The following OLFM4 variants were observed in gnomAD, a reference collection of about 807,000 sequenced individuals.
The protein encoded by OLFM4 is olfactomedin-4.
Under a neutral mutation model 25.5 loss-of-function variants are expected in OLFM4, and 22 were observed. The observed-to-expected ratio is 0.86, with a 90% confidence interval of 0.62 to 1.23. OLFM4 has a LOEUF of 1.23. OLFM4 is among the 50% of genes most tolerant of loss of function. OLFM4 has a pLI of 0.00. For synonymous variants in OLFM4, 255 were observed against 237.7 expected (o/e 1.07, Z -0.67); for missense variants, 594 against 619.4 (o/e 0.96, Z 0.44).
At chr13:53,036,333 T>C (rs1035846553) in intron 2 of OLFM4, among the ~76,000 whole-genome samples, 6 of 152,192 alleles carry the variant, frequency 3.9e-5, no homozygotes, top group Admixed American at 1.3e-4. Context: ...ACATAACAAG[T>C]AGAGGAAAAT....
chr13:53,035,973 A>G (rs1954656167), intron 2 of OLFM4, among the ~76,000 whole-genome samples: 1 of 152,126 alleles, frequency 6.6e-6, no homozygotes, highest in African/African-American at 2.4e-5. Flanking sequence ...ATTTAATACA[A>G]CTCCATTAAT....
At chr13:53,034,554 T>C (rs770466887) in intron 2 of OLFM4, 54 bp downstream of exon 2, 14 of 1,477,034 alleles carry the variant, frequency 9.5e-6, no homozygotes, top group Non-Finnish European at 1.3e-5. Context: ...AAACAAAATG[T>C]GTTTTAATTT....
At chr13:53,029,132 G>T in intron 1 of OLFM4, 92 bp downstream of exon 1, 4 of 1,546,330 alleles carry the variant, frequency 2.6e-6, no homozygotes, top group Non-Finnish European at 3.5e-6. Flanking sequence ...GGCTAGACCT[G>T]GGCACTCTAA....
Position 53,028,965 on chromosome 13 carries a change from C to G in OLFM4, c.129C>G (p.Ser43Arg), listed in dbSNP as rs1428958565. The change falls in exon 1 of 5, where the codon AGC becomes AGG. Residue 43 changes from serine to arginine, a missense_variant. By Grantham distance (110) the Ser-to-Arg change is moderately radical (BLOSUM62 -1). Coordinates refer to ENST00000219022, the MANE Select transcript of OLFM4 (RefSeq NM_006418.5). ...GFSSFPGVDS[S>R]SSFSSSSRSG... Reference sequence around the variant, plus strand: ...GCTCTTTCCCAGGTGTTGACTCCAGCTCCAGCTTCAGCTCCAGCTCCAGGT... The same window carrying G: ...GCTCTTTCCCAGGTGTTGACTCCAGGTCCAGCTTCAGCTCCAGCTCCAGGT... 4 of 1,613,802 alleles carry G rather than the reference C, an allele frequency of 2.5e-6. No homozygotes were observed. In the African/African-American group the frequency reaches 5.3e-5, roughly 22 times the overall value.
chr13:53,050,051 T>C lies in OLFM4; in HGVS notation c.813T>C (p.Tyr271=). 3 of 1,614,070 alleles carry C rather than the reference T, an allele frequency of 1.9e-6. No individual in the cohort carries two copies. Among genetic ancestry groups the C allele is most frequent in the South Asian group, 1.1e-5 (1 of 91,078 alleles). ...ACTGGAGAGGGTTTTCTTATCTATA[T>C]GGTGCTTGGGGTAGGGATTACTCTC... ...QLNWRGFSYL[Y]GAWGRDYSPQ... is the part of the protein sequence containing the mutation. The change falls in exon 5 of 5, where the codon TAT becomes TAC. Residue 271 remains tyrosine (Y), a synonymous_variant. Transcript: ENST00000219022.
intron 2 of OLFM4, among the ~76,000 whole-genome samples, chr13:53,034,718 C>T (rs1376795632): frequency 6.6e-6 from 1 of 152,184 alleles, no homozygotes; most frequent in Non-Finnish European, 1.5e-5. Context: ...ATTGTTCACG[C>T]CGTGGATAAA....
intron 4 of OLFM4, among the ~76,000 whole-genome samples, chr13:53,048,946 C>T (rs1449443845): frequency 6.6e-6 from 1 of 152,092 alleles, no homozygotes; most frequent in Non-Finnish European, 1.5e-5. Flanking sequence ...ACTGGAGGAA[C>T]TTTATTTTAT....
intron 2 of OLFM4, among the ~76,000 whole-genome samples, chr13:53,038,408 G>A (rs565735806): frequency 2.6e-5 from 4 of 152,248 alleles, no homozygotes; most frequent in South Asian, 4.1e-4. Context: ...AACCTAGAGG[G>A]TGTAGCCAAC....
chr13:53,046,797 T>C (rs2138241476), intron 4 of OLFM4, among the ~76,000 whole-genome samples: 1 of 152,352 alleles, frequency 6.6e-6, no homozygotes, highest in Admixed American at 6.5e-5. Flanking sequence ...GAGTTGGTAT[T>C]ATTTTTCTTC....
chr13:53,039,395 A>G (rs1442968930), intron 2 of OLFM4, among the ~76,000 whole-genome samples: 1 of 152,208 alleles, frequency 6.6e-6, no homozygotes, highest in East Asian at 1.9e-4. Flanking sequence ...TAGGTTTTAT[A>G]TATAGTGAGC....
intron 2 of OLFM4, among the ~76,000 whole-genome samples, chr13:53,039,847 G>T (rs1954678417): frequency 6.6e-6 from 1 of 152,140 alleles, no homozygotes; most frequent in South Asian, 2.1e-4. Context: ...GCCAAGGACT[G>T]TTTTTTCGAC....
intron 1 of OLFM4, among the ~76,000 whole-genome samples, chr13:53,030,513 G>A (rs1954623768): frequency 6.6e-6 from 1 of 152,272 alleles, no homozygotes; most frequent in Non-Finnish European, 1.5e-5. Flanking sequence ...ATGTTGGTCA[G>A]GCTGGTCTCG....
At chr13:53,037,939 C>A (rs1954667165) in intron 2 of OLFM4, among the ~76,000 whole-genome samples, 1 of 152,148 alleles carries the variant, frequency 6.6e-6, no homozygotes, top group Admixed American at 6.5e-5. Context: ...TTATAAGGAA[C>A]AATAACAGGC....
Position 53,043,191 on chromosome 13 carries a change from GA to G in OLFM4, c.659del (p.Lys220ArgfsTer4). 1 of 1,613,562 alleles carries G rather than the reference GA, an allele frequency of 6.2e-7. No individual in the cohort carries two copies. The highest frequency in any genetic ancestry group is 8.5e-7 in the Non-Finnish European group (1 of 1,179,750). ...CCATTCGCCGAGAAATCGTGGCTCT[GA>G]AGACCAAGCTGAAAGAGTGTGAGGC... ...LAIRREIVAL[K>X]TKLKECEASK... On this transcript the variant is annotated frameshift_variant, in exon 4 of 5. Transcript: ENST00000219022. LOFTEE classifies it high-confidence loss of function.
rs202174607 is a variant in OLFM4, at chr13:53,050,330, C to T, written c.1092C>T (p.Leu364=). The T allele has an allele frequency of 4.5e-5, 73 of 1,614,040 alleles. No homozygotes were observed. Among genetic ancestry groups the T allele is most frequent in the Non-Finnish European group, 5.9e-5 (70 of 1,179,968 alleles). Residue 364 remains leucine (L), a synonymous_variant, in exon 5 of 5, where the codon CTC becomes CTT. Coordinates refer to ENST00000219022, the MANE Select transcript of OLFM4 (RefSeq NM_006418.5). The part of the protein sequence containing the change: ...TTNTIAVTQT[L]PNAAYNNRFS... Reference sequence around the variant, plus strand: ...ACACGATTGCTGTGACTCAAACTCTCCCTAATGCTGCCTATAATAACCGCT... The same window carrying T: ...ACACGATTGCTGTGACTCAAACTCTTCCTAATGCTGCCTATAATAACCGCT...
In OLFM4 at chr13:53,050,139, G is replaced by A; in HGVS notation, c.901G>A (p.Glu301Lys). The A allele has an allele frequency of 6.2e-7, 1 of 1,613,946 alleles. No homozygotes were observed. Among genetic ancestry groups the A allele is most frequent in the East Asian group, 2.2e-5 (1 of 44,864 alleles). ...APLNTDGRLL[E>K]YYRLYNTLDD... is the part of the protein sequence containing the mutation. ...ATTGAATACAGATGGGAGACTGTTG[G>A]AGTATTATAGACTGTACAACACACT... Residue 301 changes from glutamate (E) to lysine (K), a missense_variant, in exon 5 of 5, where the codon GAG becomes AAG. Coordinates refer to ENST00000219022, the MANE Select transcript of OLFM4 (RefSeq NM_006418.5).
intron 1 of OLFM4, 129 bp downstream of exon 1, chr13:53,029,169 A>G (rs1040391724): frequency 7.5e-7 from 1 of 1,335,528 alleles, no homozygotes; most frequent in African/African-American, 1.5e-5. Flanking sequence ...TTTGTTAACT[A>G]TAGGTGCCCC....
rs1954749760 is a variant in OLFM4, at chr13:53,051,619, A to C, written c.*848A>C. The C allele has an allele frequency of 6.6e-6, 1 of 152,218 alleles. No homozygotes were observed. Among genetic ancestry groups the C allele is most frequent in the African/African-American group, 2.4e-5 (1 of 41,462 alleles). The allele number at this position is 152,218 out of a possible 1,614,324, so 9.4% of individuals were successfully genotyped here. ...CTATGGAACTGATCTAAGATTAGAA[A>C]AATTAATTTTCTTTAATTTCATTAT... On this transcript the variant is annotated 3_prime_UTR_variant, in exon 5 of 5. Coordinates refer to ENST00000219022, the MANE Select transcript of OLFM4 (RefSeq NM_006418.5).
chr13:53,050,085 C>G lies in OLFM4; in HGVS notation c.847C>G (p.Pro283Ala). ...AWGRDYSPQH[P>A]NKGLYWVAPL... ...GGGTAGGGATTACTCTCCCCAGCAT[C>G]CAAACAAAGGACTGTATTGGGTGGC... The change falls in exon 5 of 5, where the codon CCA (proline) becomes GCA (alanine). Residue 283 changes from proline (P) to alanine (A), a missense_variant. Coordinates refer to ENST00000219022, the MANE Select transcript of OLFM4 (RefSeq NM_006418.5). 2 of 1,613,886 alleles carry G rather than the reference C, an allele frequency of 1.2e-6. No homozygotes were observed. Among genetic ancestry groups the G allele is most frequent in the Non-Finnish European group, 1.7e-6 (2 of 1,179,914 alleles).
Sources: gnomAD v4.1 joint callset for allele counts (sites outside exome capture counted in the v4.1 genomes callset) on GRCh38, gnomAD v4.1.1 for gene constraint, MANE v1.5 for transcripts, NCBI Gene and HGNC (gene_info 2026-07-23, HGNC 2026-07-21) for gene names.